The following HSCB variants were observed in gnomAD, a reference collection of about 807,000 sequenced individuals.
The protein encoded by HSCB is HscB mitochondrial iron-sulfur cluster cochaperone.
A neutral mutation model predicts 31.3 loss-of-function variants in HSCB; 23 were observed. That is an observed-to-expected ratio of 0.74 (90% CI 0.53 to 1.04). The LOEUF is 1.04. Among genes scored for constraint, HSCB ranks in the 50% least tolerant of loss-of-function variants. The pLI, the probability that HSCB is intolerant of heterozygous loss-of-function variation, is 0.00. For synonymous variants in HSCB, 110 were observed against 104.5 expected (o/e 1.05, Z -0.32); for missense variants, 297 against 288.1 (o/e 1.03, Z -0.22).
intron 4 of HSCB, among the ~76,000 whole-genome samples, chr22:28,746,318 T>C (rs917154255): frequency 2.8e-5 from 4 of 142,176 alleles, no homozygotes; most frequent in African/African-American, 1.1e-4. Context: ...GAGGCAGAGA[T>C]TGCAGTAAGC....
intron 5 of HSCB, among the ~76,000 whole-genome samples, chr22:28,753,410 C>T (rs542453189): frequency 6.6e-6 from 1 of 151,960 alleles, no homozygotes; most frequent in South Asian, 2.1e-4. Flanking sequence ...CGCCTGTAAT[C>T]CCAGCTACTC....
intron 4 of HSCB, among the ~76,000 whole-genome samples, chr22:28,750,273 A>AC (rs1458197764): frequency 1.3e-4 from 19 of 145,416 alleles, no homozygotes; most frequent in Non-Finnish European, 2.3e-4. Flanking sequence ...AAAAAAAAAA[A>AC]AAACACTTAT....
intron 5 of HSCB, among the ~76,000 whole-genome samples, chr22:28,755,161 A>G (rs1438987922): frequency 6.7e-6 from 1 of 148,424 alleles, no homozygotes; most frequent in Non-Finnish European, 1.5e-5. Context: ...CTGTAATCCC[A>G]GCACTTTGGG....
At chr22:28,753,675 A>G (rs575893294) in intron 5 of HSCB, among the ~76,000 whole-genome samples, 2 of 151,112 alleles carry the variant, frequency 1.3e-5, no homozygotes, top group Admixed American at 1.3e-4. Context: ...CGTCTCTACT[A>G]AATATACAAA....
intron 4 of HSCB, among the ~76,000 whole-genome samples, chr22:28,748,336 C>T (rs2029968507): frequency 6.6e-6 from 1 of 152,126 alleles, no homozygotes; most frequent in African/African-American, 2.4e-5. Flanking sequence ...TTAAATTTGC[C>T]TCAAATTCAT....
intron 5 of HSCB, 144 bp from the exon 6 acceptor site, chr22:28,756,934 C>G: frequency 1.5e-6 from 1 of 680,484 alleles, no homozygotes; most frequent in Admixed American, 2.4e-5. Flanking sequence ...AGATGTTCTC[C>G]CTCTTCGTTG....
Position 28,745,859 on chromosome 22 carries a change from A to G in HSCB, c.424-5A>G, listed in dbSNP as rs201854821. 18 of 1,599,892 alleles carry G rather than the reference A, an allele frequency of 1.1e-5. No individual in the cohort carries two copies. The East Asian group carries it at 3.8e-4, about 34-fold the overall frequency. On this transcript the variant is annotated splice_polypyrimidine_tract_variant and splice_region_variant and intron_variant, in intron 3 of 5. Transcript: ENST00000216027. ...ACTTATTTTTCTTGCTTTCTACCCC[A>G]ATAGCTAAAGCTCCATGGAATAGAG...
chr22:28,755,860 A>G (rs2030566811), intron 5 of HSCB, among the ~76,000 whole-genome samples: 1 of 152,186 alleles, frequency 6.6e-6, no homozygotes, highest in Non-Finnish European at 1.5e-5. Flanking sequence ...TGTACCCACC[A>G]GATGTCAGTA....
intron 3 of HSCB, 112 bp from the exon 4 acceptor site, chr22:28,745,752 G>A (rs2054674721): frequency 5.9e-6 from 5 of 850,454 alleles, no homozygotes; most frequent in Admixed American, 2.7e-5. Flanking sequence ...TCATTATCGG[G>A]ACAGTTGCAG....
chr22:28,750,076 C>G (rs1019765518), intron 4 of HSCB, among the ~76,000 whole-genome samples: 10 of 151,550 alleles, frequency 6.6e-5, no homozygotes, highest in Admixed American at 2.0e-4. Flanking sequence ...ATGGCAAAAC[C>G]CTGTCTCTAC....
intron 1 of HSCB, 147 bp downstream of exon 1, chr22:28,742,478 T>C: frequency 3.0e-6 from 4 of 1,346,028 alleles, no homozygotes; most frequent in Non-Finnish European, 3.0e-6. Flanking sequence ...GAGAGAAGTG[T>C]CTTGATTTCT....
At chr22:28,752,067 G>GT in intron 5 of HSCB, among the ~76,000 whole-genome samples, 2 of 151,080 alleles carry the variant, frequency 1.3e-5, no homozygotes, top group East Asian at 3.9e-4. Context: ...CTCCAGCCTG[G>GT]GCAACAAAGC....
intron 1 of HSCB, 73 bp from the exon 2 acceptor site, chr22:28,743,809 C>A: frequency 1.5e-6 from 2 of 1,308,462 alleles, no homozygotes; most frequent in Non-Finnish European, 2.2e-6. Flanking sequence ...CCCATAAGAG[C>A]AAGAACCAGG....
rs745351020 is a variant in HSCB, at chr22:28,742,044, C to T, written c.-52C>T. On this transcript the variant is annotated 5_prime_UTR_variant, in exon 1 of 6. Coordinates refer to ENST00000216027, the MANE Select transcript of HSCB (RefSeq NM_172002.5). Reference sequence around the variant, plus strand: ...TCAGCAACATTAGTCTGGTTAGACGCTCTCTTTGCTTTTCCCCACGAGTGA... The same window carrying T: ...TCAGCAACATTAGTCTGGTTAGACGTTCTCTTTGCTTTTCCCCACGAGTGA... 1.1e-4 allele frequency: 176 copies of T among 1,551,354 alleles called. No individual in the cohort carries two copies. Among genetic ancestry groups the T allele is most frequent in the Admixed American group, 2.7e-4 (14 of 52,210 alleles).
chr22:28,744,612 C>A lies in HSCB; in HGVS notation c.334-3C>A. The A allele has an allele frequency of 1.9e-6, 3 of 1,603,900 alleles. No homozygotes were observed. The highest frequency in any genetic ancestry group is 2.6e-6 in the Non-Finnish European group (3 of 1,170,752). ...ATAGTACTATCTTCATCTCCACTAACAGACTGAAAAGGACTTCTCAGAGAA... is the reference window on the plus strand; with the variant it reads ...ATAGTACTATCTTCATCTCCACTAAAAGACTGAAAAGGACTTCTCAGAGAA... On this transcript the variant is annotated splice_polypyrimidine_tract_variant and splice_region_variant and intron_variant, in intron 2 of 5. Transcript: ENST00000216027.
Position 28,754,298 on chromosome 22 carries a change from G to A in HSCB, c.617-2780G>A, listed in dbSNP as rs2030455301. ...TCATAGAGAAAGTGGAATGGTGGTT[G>A]TGGGGGGATAGAGTCAGGAAGAGGA... On this transcript the variant is annotated intron_variant, in intron 5 of 5. Coordinates refer to ENST00000216027, the MANE Select transcript of HSCB (RefSeq NM_172002.5). Among the ~76,000 whole-genome samples, 7 of 152,202 alleles carry A rather than the reference G, an allele frequency of 4.6e-5. No individual in the cohort carries two copies. The South Asian group carries it at 1.5e-3, about 32-fold the overall frequency.
At chr22:28,754,498 C>T (rs1396142848) in intron 5 of HSCB, among the ~76,000 whole-genome samples, 3 of 151,908 alleles carry the variant, frequency 2.0e-5, no homozygotes, top group Admixed American at 6.6e-5. Context: ...GGTGAAACCC[C>T]GTCTTTACTG....
At chr22:28,756,287 G>A (rs1246562784) in intron 5 of HSCB, among the ~76,000 whole-genome samples, 1 of 151,684 alleles carries the variant, frequency 6.6e-6, no homozygotes, top group African/African-American at 2.4e-5. Context: ...GTCTAAAGGT[G>A]TCTTTCTTGG....
chr22:28,743,609 G>A (rs966237084), intron 1 of HSCB, among the ~76,000 whole-genome samples: 1 of 152,092 alleles, frequency 6.6e-6, no homozygotes, highest in African/African-American at 2.4e-5. Context: ...CCCACCTCGA[G>A]GTCCTTGCTC....
Sources: gnomAD v4.1 joint callset for allele counts (sites outside exome capture counted in the v4.1 genomes callset) on GRCh38, gnomAD v4.1.1 for gene constraint, MANE v1.5 for transcripts, NCBI Gene and HGNC (gene_info 2026-07-23, HGNC 2026-07-21) for gene names.